DEPDC5: variants seen among roughly 807,000 people sequenced by gnomAD.
The protein encoded by DEPDC5 is DEP domain containing 5, GATOR1 subcomplex subunit.
A neutral mutation model predicts 217.3 loss-of-function variants in DEPDC5; 73 were observed. The ratio of observed to expected loss-of-function variants is 0.34; its 90% CI spans 0.28 to 0.41. The LOEUF (loss-of-function observed/expected upper bound fraction) is 0.41. Ranked by LOEUF, DEPDC5 falls within the 10% of genes least tolerant of loss-of-function variation. The pLI, the probability that DEPDC5 is intolerant of heterozygous loss-of-function variation, is 1.00. For synonymous variants in DEPDC5, 733 were observed against 756.7 expected, an observed-to-expected ratio of 0.97 and a Z score of 0.51; for missense variants, 1,675 against 2,070.1, an observed-to-expected ratio of 0.81 and a Z score of 3.70.
intron 2 of DEPDC5, among the ~76,000 whole-genome samples, chr22:31,756,459 T>C (rs2086574013): frequency 6.6e-6 from 1 of 152,238 alleles, no homozygotes; most frequent in Non-Finnish European, 1.5e-5. Flanking sequence ...ACTTTGATGC[T>C]GTTGATGTTG....
chr22:31,854,919 T>C (rs1198870472), intron 31 of DEPDC5, among the ~76,000 whole-genome samples: 1 of 151,726 alleles, frequency 6.6e-6, no homozygotes, highest in African/African-American at 2.4e-5. Context: ...TTAAGAGATA[T>C]AATGTATGAC....
intron 7 of DEPDC5, among the ~76,000 whole-genome samples, chr22:31,771,326 G>C (rs951312866): frequency 6.6e-6 from 1 of 152,170 alleles, no homozygotes; most frequent in African/African-American, 2.4e-5. Context: ...TTTGAAACTT[G>C]TTGTGGGGAG....
intron 39 of DEPDC5, chr22:31,894,260 C>CT (rs1005302220): frequency 1.8e-3 from 263 of 143,700 alleles, no homozygotes; most frequent in African/African-American, 3.5e-3. Flanking sequence ...AATCACGTTA[C>CT]TTTTTTTTTT....
intron 38 of DEPDC5, among the ~76,000 whole-genome samples, chr22:31,888,240 GTTTTTTTTTTTT>G (rs71184531): frequency 3.0e-5 from 2 of 66,352 alleles, no homozygotes; most frequent in Admixed American, 2.3e-4. Flanking sequence ...TTTGTCTGTG[GTTTTTTTTTTTT>G]TTTTTTTTTT....
Position 31,870,575 on chromosome 22 carries a change from T to C in DEPDC5, c.3331-15T>C. Reference sequence around the variant, plus strand: ...TATTTTTGGAATCAAGTATTCATTTTTAAATCTCCTGCAGGTATCTGTGGA... The same window carrying C: ...TATTTTTGGAATCAAGTATTCATTTCTAAATCTCCTGCAGGTATCTGTGGA... On this transcript the variant is annotated splice_polypyrimidine_tract_variant and intron_variant, in intron 33 of 42. Coordinates refer to ENST00000651528, the MANE Select transcript of DEPDC5 (RefSeq NM_001242896.3). 1 of 1,492,792 alleles carries C rather than the reference T, an allele frequency of 6.7e-7. No individual in the cohort carries two copies. Among genetic ancestry groups the C allele is most frequent in the Non-Finnish European group, 8.9e-7 (1 of 1,118,778 alleles). 92.5% of individuals were successfully genotyped at this position (1,492,792 alleles called of 1,614,324 possible). A position where few individuals can be genotyped will look rare whatever the true frequency, so the allele number is the denominator to read the frequency against.
chr22:31,758,731 G>GCC (rs1374223087), intron 3 of DEPDC5, 98 bp downstream of exon 3: 1 of 1,178,226 alleles, frequency 8.5e-7, no homozygotes, highest in Non-Finnish European at 1.2e-6. Context: ...TGCTCATGCT[G>GCC]TGATGGCTCA....
intron 22 of DEPDC5, 104 bp downstream of exon 22, chr22:31,819,329 C>T (rs1357666884): frequency 2.4e-6 from 3 of 1,242,518 alleles, no homozygotes; most frequent in South Asian, 1.3e-5. Context: ...TGTTGCTCCA[C>T]CTGTAAGATG....
At chr22:31,869,203 A>G (rs1261382688) in intron 33 of DEPDC5, among the ~76,000 whole-genome samples, 1 of 150,660 alleles carries the variant, frequency 6.6e-6, no homozygotes, top group African/African-American at 2.4e-5. Flanking sequence ...GCACCATTGC[A>G]CTCCAGCCTG....
In DEPDC5 at chr22:31,815,047, T is replaced by C; in HGVS notation, c.1501T>C (p.Ser501Pro). 2.5e-6 allele frequency: 4 copies of C among 1,614,142 alleles called. No homozygotes were observed. Among genetic ancestry groups the C allele is most frequent in the Non-Finnish European group, 2.5e-6 (3 of 1,180,016 alleles). The change falls in exon 21 of 43, where the codon TCA becomes CCA. Residue 501 changes from serine (S) to proline (P), a missense_variant. Around this residue, in one of 11 missense-constraint regions of DEPDC5, gnomAD observed 628 missense variants for 762.1 expected, o/e 0.82. Coordinates refer to ENST00000651528, the MANE Select transcript of DEPDC5 (RefSeq NM_001242896.3). ...SRKSASSCDV[S>P]SSPSLPSRTL... The stretch of plus-strand genomic sequence containing the variant: ...AAAGAGTGCCAGCTCCTGTGATGTT[T>C]CATCCAGCCCTTCCCTACCAAGCCG...
At position 31,906,381 on chromosome 22, in the gene DEPDC5, G is replaced by T. The variant is rs780200201; in HGVS notation, c.4696G>T (p.Glu1566Ter). Residue 1566 changes from glutamate (E) to a stop codon, truncating the protein, a stop_gained, in exon 43 of 43, where the codon GAA becomes TAA. Coordinates refer to ENST00000651528, the MANE Select transcript of DEPDC5 (RefSeq NM_001242896.3). LOFTEE classifies it high-confidence loss of function. The surrounding 1 kb of genome is among the most constrained non-coding windows in gnomAD (Gnocchi z 5.1). ...KTWRSSATGD[E>*]KFADRLLKDF... is the part of the protein sequence containing the mutation. ...ATGGCGCTCCAGCGCCACAGGGGAT[G>T]AAAAGTTTGCTGATCGGCTGCTGAA... The T allele has an allele frequency of 1.2e-6, 2 of 1,614,044 alleles. No individual in the cohort carries two copies. The highest frequency in any genetic ancestry group is 2.7e-5 in the African/African-American group (2 of 74,962).
intron 29 of DEPDC5, 141 bp downstream of exon 29, chr22:31,843,953 C>T (rs534061814): frequency 6.7e-5 from 66 of 988,454 alleles, no homozygotes; most frequent in African/African-American, 3.0e-4. Flanking sequence ...TGACTGGGCG[C>T]GGTGGCTCAT....
At chr22:31,765,223 G>A (rs2082711624) in intron 5 of DEPDC5, among the ~76,000 whole-genome samples, 163 bp downstream of exon 5, 1 of 152,168 alleles carries the variant, frequency 6.6e-6, no homozygotes, top group African/African-American at 2.4e-5. Context: ...TGAGACAGGA[G>A]GATCACTTGA....
At chr22:31,755,250 A>G in intron 2 of DEPDC5, 2 of 467,716 alleles carry the variant, frequency 4.3e-6, no homozygotes, top group Non-Finnish European at 7.6e-6. Flanking sequence ...TCTTCCGTGT[A>G]TGTTCCATAA....
intron 7 of DEPDC5, among the ~76,000 whole-genome samples, chr22:31,776,955 A>G (rs1445909147): frequency 6.6e-6 from 1 of 151,470 alleles, no homozygotes; most frequent in Non-Finnish European, 1.5e-5. Flanking sequence ...AGTTGCTATT[A>G]GTTAATTATT....
chr22:31,809,097 C>A (rs964470112), intron 18 of DEPDC5, among the ~76,000 whole-genome samples: 2 of 152,096 alleles, frequency 1.3e-5, no homozygotes, highest in Admixed American at 6.6e-5. Context: ...TGAAAAAGAT[C>A]TTTAAGAAAA....
In DEPDC5 at chr22:31,774,109, A is replaced by G. The variant is rs114147129; in HGVS notation, c.414-3990A>G. ...CAAAACAACAACAACAACAAAAAAT[A>G]TATATATAGTAGCAAAATCTTGTCT... On this transcript the variant is annotated intron_variant, in intron 7 of 42. Coordinates refer to ENST00000651528, the MANE Select transcript of DEPDC5 (RefSeq NM_001242896.3). 1.8e-3 allele frequency among the ~76,000 whole-genome samples: 272 copies of G among 152,110 alleles called. 1 individual carries two copies. The highest frequency in any genetic ancestry group is 6.2e-3 in the African/African-American group (258 of 41,510).
At chr22:31,859,290 A>T (rs113814434) in intron 32 of DEPDC5, among the ~76,000 whole-genome samples, 6,511 of 150,706 alleles carry the variant, frequency 0.043, 192 homozygotes, top group Non-Finnish European at 0.049. Context: ...ACAAGGTTTC[A>T]CTGTGTTAGC....
At position 31,819,050 on chromosome 22, in the gene DEPDC5, A is replaced by G. The variant is rs1190980520; in HGVS notation, c.1695A>G (p.Pro565=). 6.2e-7 allele frequency: 1 copy of G among 1,614,200 alleles called. No homozygotes were observed. The highest frequency in any genetic ancestry group is 1.7e-5 in the Admixed American group (1 of 60,016). The part of the protein sequence containing the change: ...RDVLENMMEP[P]QRDSSAPGRF... ...TCCTGGAGAACATGATGGAGCCACC[A>G]CAGCGAGACTCCAGTGCACCAGGGA... Residue 565 remains proline, a synonymous_variant, in exon 22 of 43, where the codon CCA becomes CCG. Transcript: ENST00000651528.
At chr22:31,790,090 G>A (rs2085447467) in intron 10 of DEPDC5, among the ~76,000 whole-genome samples, 1 of 152,156 alleles carries the variant, frequency 6.6e-6, no homozygotes, top group South Asian at 2.1e-4. Flanking sequence ...AGATAAGGGT[G>A]CTGATTTTGG....
Sources: allele counts gnomAD v4.1 joint callset (sites outside exome capture counted in the v4.1 genomes callset), GRCh38; gene constraint gnomAD v4.1.1; regional missense constraint gnomAD v4.1.1; non-coding constraint Gnocchi (gnomAD v3.1); transcripts MANE v1.5; gene names NCBI Gene and HGNC (gene_info 2026-07-23, HGNC 2026-07-21).